GLG1: variants seen among roughly 807,000 people sequenced by gnomAD.
GLG1 encodes golgi glycoprotein 1, also known as Golgi apparatus protein 1.
In GLG1, 38 loss-of-function variants were observed where a neutral mutation model predicts 160.5. That is an observed-to-expected ratio of 0.24 (90% CI 0.18 to 0.31). GLG1 has a LOEUF of 0.31. GLG1 is among the 10% of genes least tolerant of loss of function. GLG1 has a pLI of 1.00. For missense variants in GLG1, 1,373 were observed against 1,505.2 expected, an observed-to-expected ratio of 0.91 and a Z score of 1.45; for synonymous variants, 644 against 543.4, an observed-to-expected ratio of 1.19 and a Z score of -2.57.
In GLG1 at chr16:74,460,775, G is replaced by C. The variant is rs141699630; in HGVS notation, c.3037-986C>G. Among the ~76,000 whole-genome samples the C allele has an allele frequency of 1.8e-3, 271 of 152,290 alleles. 2 individuals are homozygous for C. The South Asian group carries it at 0.025, about 14-fold the overall frequency. On this transcript the variant is annotated intron_variant, in intron 22 of 25. Transcript: ENST00000422840. Reference sequence around the variant, plus strand: ...CATATCTTTACACTGTAAACACTGAGACTTGAGTCAGATCTCAGGACTTGT... The same window carrying C: ...CATATCTTTACACTGTAAACACTGACACTTGAGTCAGATCTCAGGACTTGT...
intron 4 of GLG1, among the ~76,000 whole-genome samples, chr16:74,499,381 G>A (rs1329594056): frequency 6.6e-6 from 1 of 152,064 alleles, no homozygotes. Context: ...GCTGGGACTA[G>A]AAGCACACAC....
At chr16:74,600,286 G>C (rs1349131172) in intron 1 of GLG1, among the ~76,000 whole-genome samples, 1 of 151,966 alleles carries the variant, frequency 6.6e-6, no homozygotes, top group African/African-American at 2.4e-5. Flanking sequence ...CCAGCTACTC[G>C]GGAGGCTGAA....
intron 14 of GLG1, 49 bp from the exon 15 acceptor site, chr16:74,471,335 C>T (rs1363831861): frequency 9.5e-7 from 1 of 1,057,018 alleles, no homozygotes; most frequent in South Asian, 1.3e-5. Flanking sequence ...AATTAATGAA[C>T]AAAACTTGTA....
At chr16:74,481,956 T>G (rs1170985115) in intron 10 of GLG1, among the ~76,000 whole-genome samples, 2 of 152,060 alleles carry the variant, frequency 1.3e-5, no homozygotes, top group South Asian at 4.1e-4. Flanking sequence ...CCGGCTAATT[T>G]TTTTTGTATT....
intron 1 of GLG1, among the ~76,000 whole-genome samples, chr16:74,603,945 T>A (rs1446309960): frequency 1.3e-5 from 2 of 151,104 alleles, no homozygotes; most frequent in Admixed American, 1.3e-4. Flanking sequence ...ACCCATGATA[T>A]ACTTGGCCTT....
chr16:74,482,631 A>G (rs567758436), intron 10 of GLG1, among the ~76,000 whole-genome samples: 2 of 152,306 alleles, frequency 1.3e-5, no homozygotes, highest in South Asian at 2.1e-4. Flanking sequence ...ATAAATAAAT[A>G]AAAGCCAATT....
intron 1 of GLG1, among the ~76,000 whole-genome samples, chr16:74,588,095 CAG>C (rs537582816): frequency 4.2e-4 from 64 of 150,728 alleles, no homozygotes; most frequent in African/African-American, 8.1e-4. Context: ...AGAAAAAAAA[CAG>C]GGGGAGCGTT....
chr16:74,471,140 A>C, intron 15 of GLG1, 33 bp downstream of exon 15: 1 of 1,058,816 alleles, frequency 9.4e-7, no homozygotes, highest in Admixed American at 1.7e-5. Flanking sequence ...CCAGGCAGCT[A>C]TGATGGGATA....
intron 2 of GLG1, among the ~76,000 whole-genome samples, chr16:74,521,903 T>C (rs2017176888): frequency 6.6e-6 from 1 of 152,078 alleles, no homozygotes; most frequent in Non-Finnish European, 1.5e-5. Context: ...TGGGAACCAA[T>C]ATCCTTTGTA....
chr16:74,452,056 TCAGG>T lies in GLG1; in HGVS notation c.*1107_*1110del. 1 of 1,610,352 alleles carries T rather than the reference TCAGG, an allele frequency of 6.2e-7. No individual in the cohort carries two copies. The stretch of plus-strand genomic sequence containing the variant: ...AGTTTGTCTGGAGTGTGCAGAAAGG[TCAGG>T]CTGGACTGCCTGTCACATCCTGAGA... On this transcript the variant is annotated 3_prime_UTR_variant, in exon 26 of 26. Coordinates refer to ENST00000422840, the MANE Select transcript of GLG1 (RefSeq NM_001145667.2).
intron 2 of GLG1, among the ~76,000 whole-genome samples, chr16:74,521,573 G>C (rs2143556805): frequency 6.6e-6 from 1 of 152,310 alleles, no homozygotes; most frequent in East Asian, 1.9e-4. Flanking sequence ...GGAGCCACTA[G>C]TGGGGATGGG....
chr16:74,458,648 T>C (rs2014658139), intron 23 of GLG1, among the ~76,000 whole-genome samples: 1 of 152,174 alleles, frequency 6.6e-6, no homozygotes. Flanking sequence ...CACTCCATCC[T>C]GGGAGACAAA....
chr16:74,508,978 C>A, intron 2 of GLG1, 53 bp from the exon 3 acceptor site: 2 of 757,398 alleles, frequency 2.6e-6, no homozygotes, highest in South Asian at 1.5e-5. Flanking sequence ...TAGAACAGTA[C>A]GAAATTTATT....
chr16:74,508,929 G>T lies in GLG1; in HGVS notation c.472-4C>A. ...TCAGCTTATAATTCCACAACAACTAGATAGGAGAGGAAAAAAAAAAACAAA... is the reference window on the plus strand; with the variant it reads ...TCAGCTTATAATTCCACAACAACTATATAGGAGAGGAAAAAAAAAAACAAA... On this transcript the variant is annotated splice_region_variant and splice_polypyrimidine_tract_variant and intron_variant, in intron 2 of 25. Coordinates refer to ENST00000422840, the MANE Select transcript of GLG1 (RefSeq NM_001145667.2). 8.5e-7 allele frequency: 1 copy of T among 1,171,742 alleles called. No homozygotes were observed. Among genetic ancestry groups the T allele is most frequent in the Non-Finnish European group, 1.3e-6 (1 of 790,856 alleles). 72.6% of individuals were successfully genotyped at this position (1,171,742 alleles called of 1,614,324 possible). A position where few individuals can be genotyped will look rare whatever the true frequency, so the allele number is the denominator to read the frequency against.
intron 4 of GLG1, 133 bp downstream of exon 4, chr16:74,503,398 C>T: frequency 1.5e-6 from 1 of 671,390 alleles, no homozygotes; most frequent in East Asian, 2.6e-5. Flanking sequence ...GCTCTTAGGG[C>T]TGTCTGGACA....
chr16:74,560,904 A>T (rs1278329067), intron 1 of GLG1, among the ~76,000 whole-genome samples: 3 of 152,216 alleles, frequency 2.0e-5, no homozygotes, highest in Non-Finnish European at 4.4e-5. Flanking sequence ...AGAAAGTAAG[A>T]TATGTTTTTG....
chr16:74,506,581 C>CAAAAA lies in GLG1; in HGVS notation c.558+2253_558+2257dup, dbSNP rs56175030. On this transcript the variant is annotated intron_variant, in intron 3 of 25. Coordinates refer to ENST00000422840, the MANE Select transcript of GLG1 (RefSeq NM_001145667.2). ...TGGGTTACAGAGCAAGACTCCGTCT[C>CAAAAA]AAAAAAAAAAAAAAAAAAAAAAACT... is the stretch of plus-strand genomic sequence containing the variant. Among the ~76,000 whole-genome samples the CAAAAA allele has an allele frequency of 4.1e-3, 162 of 39,054 alleles. 31 individuals carry two copies. The highest frequency in any genetic ancestry group is 0.015 in the African/African-American group (136 of 9,102). 25.6% of individuals were successfully genotyped at this position (39,054 alleles called of 152,430 possible).
At chr16:74,551,914 T>C (rs899626110) in intron 1 of GLG1, among the ~76,000 whole-genome samples, 1 of 151,178 alleles carries the variant, frequency 6.6e-6, no homozygotes, top group Admixed American at 6.6e-5. Context: ...GGGAGTTAAT[T>C]ATAAACGGAA....
chr16:74,562,567 C>A (rs2018539575), intron 1 of GLG1, among the ~76,000 whole-genome samples: 1 of 152,226 alleles, frequency 6.6e-6, no homozygotes. Flanking sequence ...TCAAGCAATT[C>A]TTGTGCCTCA....
Sources: gnomAD v4.1 joint callset for allele counts (sites outside exome capture counted in the v4.1 genomes callset) on GRCh38, gnomAD v4.1.1 for gene constraint, MANE v1.5 for transcripts, NCBI Gene and HGNC (gene_info 2026-07-23, HGNC 2026-07-21) for gene names.